PCDHGA4: variants seen among roughly 807,000 people sequenced by gnomAD.
The protein encoded by PCDHGA4 is protocadherin gamma-A4.
A neutral mutation model predicts 54.6 loss-of-function variants in PCDHGA4; 38 were observed. That is an observed-to-expected ratio of 0.70 (90% CI 0.54 to 0.91). PCDHGA4 has a LOEUF of 0.91. Ranked by LOEUF, PCDHGA4 falls within the 40% of genes least tolerant of loss-of-function variation. The probability of loss-of-function intolerance (pLI) is 0.00; values close to 1 mark genes in which losing one functional copy is unlikely to be tolerated. For synonymous variants in PCDHGA4, 511 were observed against 512.9 expected, an observed-to-expected ratio of 1.00 and a Z score of 0.05; for missense variants, 1,298 against 1,220.9, an observed-to-expected ratio of 1.06 and a Z score of -0.94.
rs1259562533 is a variant in PCDHGA4 at position 141,482,788 on chromosome 5, G to T, written c.2515-12019G>T. 2.6e-5 allele frequency among the ~76,000 whole-genome samples: 4 copies of T among 152,184 alleles called. 1 individual carries two copies. Among genetic ancestry groups the T allele is most frequent in the Admixed American group, 2.6e-4 (4 of 15,278 alleles). ...TATCACTGAACCTTAAACTGTGTGTGTGGCCGGGTACGGTGGCTCATGCCT... is the reference window on the plus strand; with the variant it reads ...TATCACTGAACCTTAAACTGTGTGTTTGGCCGGGTACGGTGGCTCATGCCT... On this transcript the variant is annotated intron_variant, in intron 1 of 3. Transcript: ENST00000571252.
At position 141,489,257 on chromosome 5, in the gene PCDHGA4, T is replaced by TC. The variant is rs773157586; in HGVS notation, c.2515-5547dup. The stretch of plus-strand genomic sequence containing the variant: ...TTCTGGGTCATGGGGCCCAAGACAC[T>TC]CCCACAGCTCGCTGGGAAATGGCAA... On this transcript the variant is annotated intron_variant, in intron 1 of 3. Coordinates refer to ENST00000571252, the MANE Select transcript of PCDHGA4 (RefSeq NM_018917.4). The surrounding 1 kb of genome is among the most constrained non-coding windows in gnomAD (Gnocchi z 4.5). 1 of 1,550,308 alleles carries TC rather than the reference T, an allele frequency of 6.5e-7. No homozygotes were observed. Among genetic ancestry groups the TC allele is most frequent in the Non-Finnish European group, 8.7e-7 (1 of 1,148,342 alleles).
At chr5:141,399,692 G>A (rs780007896) in intron 1 of PCDHGA4, 2 of 1,613,318 alleles carry the variant, frequency 1.2e-6, no homozygotes, top group Middle Eastern at 1.7e-4. Flanking sequence ...GAGCAGCTGC[G>A]CACCTTCGAA....
intron 1 of PCDHGA4, chr5:141,405,602 A>C: frequency 1.7e-6 from 1 of 572,914 alleles, no homozygotes; most frequent in South Asian, 2.3e-5. Flanking sequence ...CCCAAGTAGA[A>C]TAACTGGGAC....
rs146273580 is a variant in PCDHGA4 at position 141,382,696 on chromosome 5, A to C, written c.2514+25075A>C. 2.9e-3 allele frequency: 1,317 copies of C among 455,920 alleles called. 5 individuals are homozygous for C. The highest frequency in any genetic ancestry group is 2.7e-3 in the Non-Finnish European group (706 of 261,386). 28.2% of individuals were successfully genotyped at this position (455,920 alleles called of 1,614,324 possible). A position where few individuals can be genotyped will look rare whatever the true frequency, so the allele number is the denominator to read the frequency against. ...TCACCAACCAGGGAAAAATGGTGCG[A>C]GAGATCCCACAGAAACCACCGAGTT... On this transcript the variant is annotated intron_variant, in intron 1 of 3. Transcript: ENST00000571252.
chr5:141,413,649 C>G, intron 1 of PCDHGA4: 1 of 1,613,836 alleles, frequency 6.2e-7, no homozygotes, highest in South Asian at 1.1e-5. Flanking sequence ...GTTTTCCTCT[C>G]CCGGAAGCTA....
At chr5:141,465,922 T>A (rs7704812) in intron 1 of PCDHGA4, among the ~76,000 whole-genome samples, 42,795 of 151,826 alleles carry the variant, frequency 0.28, 6,697 homozygotes, top group African/African-American at 0.42. Flanking sequence ...GGATTTCGAG[T>A]CCATCCTGGC....
At position 141,365,281 on chromosome 5, in the gene PCDHGA4, G is replaced by T. The variant is rs752099096; in HGVS notation, c.2514+7660G>T. The stretch of plus-strand genomic sequence containing the variant: ...ATGAAGAATCCAGATTCTACCTCAT[G>T]GAAGTGGTAGCTCAGGATGGAGGCG... On this transcript the variant is annotated intron_variant, in intron 1 of 3. Coordinates refer to ENST00000571252, the MANE Select transcript of PCDHGA4 (RefSeq NM_018917.4). 5 of 1,614,000 alleles carry T rather than the reference G, an allele frequency of 3.1e-6. No homozygotes were observed. The Admixed American group carries it at 8.3e-5, about 27-fold the overall frequency.
chr5:141,473,776 T>C (rs1026169931), intron 1 of PCDHGA4, among the ~76,000 whole-genome samples: 1 of 152,214 alleles, frequency 6.6e-6, no homozygotes, highest in Non-Finnish European at 1.5e-5. Context: ...TTTGGTATTT[T>C]AATTCAAGAG....
rs2099884159 is a variant in PCDHGA4 at position 141,512,278 on chromosome 5, G to A, written c.*1105G>A. 6.5e-6 allele frequency: 1 copy of A among 152,812 alleles called. No homozygotes were observed. Among genetic ancestry groups the A allele is most frequent in the Non-Finnish European group, 1.5e-5 (1 of 68,170 alleles). 9.5% of individuals were successfully genotyped at this position (152,812 alleles called of 1,614,324 possible). A position where few individuals can be genotyped will look rare whatever the true frequency, so the allele number is the denominator to read the frequency against. ...TGCTGGGTACTCCAGAGGTGCCACT[G>A]GTGGAAGGGTCAGCGGAGCCCCAGC... On this transcript the variant is annotated 3_prime_UTR_variant, in exon 4 of 4. Coordinates refer to ENST00000571252, the MANE Select transcript of PCDHGA4 (RefSeq NM_018917.4).
rs1214853229 is a variant in PCDHGA4 at position 141,432,238 on chromosome 5, GAA to G, written c.2515-62568_2515-62567del. ...CCCAGATCACTTATTCCCTGGCTGA[GAA>G]CACCATCCAAGGGGCAAGCCTATCG... On this transcript the variant is annotated intron_variant, in intron 1 of 3. Coordinates refer to ENST00000571252, the MANE Select transcript of PCDHGA4 (RefSeq NM_018917.4). The surrounding 1 kb of genome is among the most constrained non-coding windows in gnomAD (Gnocchi z 6.0). 1 of 1,614,216 alleles carries G rather than the reference GAA, an allele frequency of 6.2e-7. No homozygotes were observed. The highest frequency in any genetic ancestry group is 2.2e-5 in the East Asian group (1 of 44,882).
At chr5:141,382,912 C>A (rs771685139) in intron 1 of PCDHGA4, 1 of 1,552,238 alleles carries the variant, frequency 6.4e-7, no homozygotes. Flanking sequence ...GGCGGCTCAG[C>A]CGAGGGGCGG....
intron 1 of PCDHGA4, chr5:141,407,909 G>T: frequency 4.7e-6 from 2 of 425,700 alleles, no homozygotes; most frequent in Non-Finnish European, 8.3e-6. Context: ...TGAAAAACCG[G>T]GCTGCTGTCC....
chr5:141,393,268 A>C, intron 1 of PCDHGA4: 1 of 1,613,946 alleles, frequency 6.2e-7, no homozygotes, highest in South Asian at 1.1e-5. Flanking sequence ...GGAGCACGTT[A>C]TCCACTCCCA....
At chr5:141,419,529 A>G (rs2096395609) in intron 1 of PCDHGA4, 2 of 1,612,082 alleles carry the variant, frequency 1.2e-6, no homozygotes, top group Non-Finnish European at 1.7e-6. Context: ...GACCGTAACG[A>G]CAACGCACCG....
chr5:141,491,243 ATGAGGACCC>A lies in PCDHGA4; in HGVS notation c.2515-3557_2515-3549del. 1 of 1,614,200 alleles carries A rather than the reference ATGAGGACCC, an allele frequency of 6.2e-7. No individual in the cohort carries two copies. Among genetic ancestry groups the A allele is most frequent in the African/African-American group, 1.3e-5 (1 of 75,056 alleles). ...GCCACAGTGCTGCTGGTTCTGGAGG[ATGAGGACCC>A]TGAGGAAATGCCCAAATCCAGTGAC... On this transcript the variant is annotated intron_variant, in intron 1 of 3. Coordinates refer to ENST00000571252, the MANE Select transcript of PCDHGA4 (RefSeq NM_018917.4). This position sits in a 1 kb window ranked among gnomAD's most constrained non-coding sequence, Gnocchi z 6.9.
chr5:141,423,141 G>C, intron 1 of PCDHGA4: 1 of 1,613,580 alleles, frequency 6.2e-7, no homozygotes, highest in Non-Finnish European at 8.5e-7. Flanking sequence ...ACAGAGACGC[G>C]CTCAAGCAGA....
chr5:141,494,546 G>A (rs984336435), intron 1 of PCDHGA4, among the ~76,000 whole-genome samples: 7 of 152,152 alleles, frequency 4.6e-5, no homozygotes, highest in African/African-American at 1.2e-4. Context: ...GGAGGAAGGG[G>A]CCATTTCTTT....
chr5:141,373,848 C>A, intron 1 of PCDHGA4: 3 of 446,942 alleles, frequency 6.7e-6, no homozygotes, highest in Non-Finnish European at 7.9e-6. Flanking sequence ...GGACTCTAAG[C>A]GTCGCTGTTG....
At chr5:141,378,061 A>G (rs1285707649) in intron 1 of PCDHGA4, 4 of 152,212 alleles carry the variant, frequency 2.6e-5, no homozygotes, top group African/African-American at 9.7e-5. Flanking sequence ...TCTGACTCAA[A>G]TTCTAAGAAA....
Sources: allele counts gnomAD v4.1 joint callset (sites outside exome capture counted in the v4.1 genomes callset), GRCh38; gene constraint gnomAD v4.1.1; non-coding constraint Gnocchi (gnomAD v3.1); transcripts MANE v1.5; gene names NCBI Gene and HGNC (gene_info 2026-07-23, HGNC 2026-07-21).